Variants in MCC observed in about 807,000 individuals in gnomAD.
The protein encoded by MCC is colorectal mutant cancer protein.
A neutral mutation model predicts 116.2 loss-of-function variants in MCC; 90 were observed. The ratio of observed to expected loss-of-function variants is 0.77; its 90% CI spans 0.65 to 0.92. The LOEUF (loss-of-function observed/expected upper bound fraction) is 0.92. Among genes scored for constraint, MCC ranks in the 40% least tolerant of loss-of-function variants. MCC has a pLI of 0.00. For missense variants in MCC, 1,516 were observed against 1,312.2 expected (o/e 1.16, Z -2.40); for synonymous variants, 578 against 510.5 (o/e 1.13, Z -1.78).
intron 5 of MCC, among the ~76,000 whole-genome samples, chr5:113,138,554 T>C (rs555512077): frequency 1.3e-5 from 2 of 152,278 alleles, no homozygotes; most frequent in East Asian, 1.9e-4. Flanking sequence ...GGGAAATAAT[T>C]AGCTTGTGTC....
rs778072864 is a variant in MCC, at chr5:113,334,409, T to C, written c.627+6110A>G. Among the ~76,000 whole-genome samples the C allele has an allele frequency of 1.1e-4, 16 of 151,288 alleles. 1 individual carries two copies. Among genetic ancestry groups the C allele is most frequent in the Non-Finnish European group, 8.8e-5 (6 of 67,998 alleles). ...TTTTTGTAGAGACATGGTTTCACCATGTTGCCCAGGATGGTCAGACTCCCG... is the reference window on the plus strand; with the variant it reads ...TTTTTGTAGAGACATGGTTTCACCACGTTGCCCAGGATGGTCAGACTCCCG... On this transcript the variant is annotated intron_variant, in intron 3 of 18. Coordinates refer to ENST00000408903, the MANE Select transcript of MCC (RefSeq NM_001085377.2).
intron 16 of MCC, 62 bp downstream of exon 16, chr5:113,049,028 GGTC>G (rs1752305211): frequency 1.3e-6 from 2 of 1,497,582 alleles, no homozygotes; most frequent in Non-Finnish European, 1.9e-6. Context: ...TGTGGCCAGT[GGTC>G]ACTGGGCAGT....
chr5:113,029,370 A>T (rs1750800349), intron 17 of MCC, among the ~76,000 whole-genome samples: 1 of 150,020 alleles, frequency 6.7e-6, no homozygotes, highest in Middle Eastern at 3.2e-3. Flanking sequence ...GGCATACCAG[A>T]TCCTCAGCAA....
intron 3 of MCC, among the ~76,000 whole-genome samples, chr5:113,326,633 C>G (rs1223532792): frequency 6.6e-6 from 1 of 152,206 alleles, no homozygotes. Context: ...GGGACATATT[C>G]AACCCATAGC....
At chr5:113,457,708 A>C (rs1164273870) in intron 1 of MCC, among the ~76,000 whole-genome samples, 1 of 146,918 alleles carries the variant, frequency 6.8e-6, no homozygotes, top group Non-Finnish European at 1.5e-5. Context: ...AAACACACCA[A>C]TCAGCACCCT....
intron 1 of MCC, among the ~76,000 whole-genome samples, chr5:113,437,971 G>A (rs1770910852): frequency 1.3e-5 from 2 of 152,286 alleles, no homozygotes; most frequent in South Asian, 2.1e-4. Flanking sequence ...CATCCCATAG[G>A]TTGGGAAGGC....
chr5:113,107,362 C>T (rs998014507), intron 6 of MCC, among the ~76,000 whole-genome samples: 3 of 151,960 alleles, frequency 2.0e-5, no homozygotes, highest in Non-Finnish European at 2.9e-5. Context: ...GGATTACAGG[C>T]GTGTGCCACC....
intron 3 of MCC, among the ~76,000 whole-genome samples, chr5:113,300,811 C>G (rs1766843413): frequency 6.6e-6 from 1 of 152,188 alleles, no homozygotes; most frequent in Admixed American, 6.5e-5. Context: ...GAGCCTCTCA[C>G]CAGCCTCAAT....
At chr5:113,198,909 G>T (rs1385971860) in intron 3 of MCC, among the ~76,000 whole-genome samples, 1 of 151,932 alleles carries the variant, frequency 6.6e-6, no homozygotes, top group East Asian at 1.9e-4. Context: ...ATATAGAAAT[G>T]AAATCAATAG....
intron 2 of MCC, among the ~76,000 whole-genome samples, chr5:113,356,658 C>A (rs965741028): frequency 6.6e-6 from 1 of 152,084 alleles, no homozygotes; most frequent in African/African-American, 2.4e-5. Flanking sequence ...GTACTTTAAT[C>A]CCATCTTCAA....
At chr5:113,484,955 C>G (rs1473614073) in intron 1 of MCC, among the ~76,000 whole-genome samples, 1 of 152,142 alleles carries the variant, frequency 6.6e-6, no homozygotes, top group Non-Finnish European at 1.5e-5. Context: ...ACTCTGCTGC[C>G]CAAATCCAGC....
intron 3 of MCC, among the ~76,000 whole-genome samples, chr5:113,235,247 A>G (rs1209399633): frequency 6.6e-6 from 1 of 152,218 alleles, no homozygotes; most frequent in Non-Finnish European, 1.5e-5. Flanking sequence ...GGGTTCTTCA[A>G]AAGTCTGACT....
chr5:113,069,395 C>T (rs1003157723), intron 12 of MCC, among the ~76,000 whole-genome samples: 13 of 152,258 alleles, frequency 8.5e-5, no homozygotes, highest in African/African-American at 2.9e-4. Flanking sequence ...GTGAGACCCA[C>T]GTGGCCCACG....
Position 113,050,107 on chromosome 5 carries a change from G to A in MCC, c.2449-808C>T, listed in dbSNP as rs568263090. ...GGCTCATTTCATCTTCCCAACCTGG[G>A]TTAGGTATTGCAACTATCTCCATTG... On this transcript the variant is annotated intron_variant, in intron 15 of 18. Transcript: ENST00000408903. Among the ~76,000 whole-genome samples the A allele has an allele frequency of 9.2e-5, 14 of 152,340 alleles. No individual in the cohort carries two copies. The East Asian group carries it at 2.1e-3, about 23-fold the overall frequency.
intron 3 of MCC, among the ~76,000 whole-genome samples, chr5:113,314,973 A>G (rs548104128): frequency 6.6e-6 from 1 of 152,324 alleles, no homozygotes; most frequent in Admixed American, 6.5e-5. Context: ...AGTTTTGCTC[A>G]TTATCCTGGA....
intron 1 of MCC, among the ~76,000 whole-genome samples, chr5:113,463,931 A>G (rs1771826615): frequency 6.6e-6 from 1 of 152,202 alleles, no homozygotes; most frequent in African/African-American, 2.4e-5. Flanking sequence ...AGGAGATAGA[A>G]AGGAATGAGC....
chr5:113,260,741 AT>A (rs34302607), intron 3 of MCC, among the ~76,000 whole-genome samples: 4 of 150,508 alleles, frequency 2.7e-5, no homozygotes, highest in South Asian at 2.1e-4. Flanking sequence ...ATGCCTACAC[AT>A]TTTTTTTTAG....
intron 3 of MCC, among the ~76,000 whole-genome samples, chr5:113,236,064 T>C (rs918958355): frequency 2.0e-5 from 3 of 152,192 alleles, no homozygotes; most frequent in Non-Finnish European, 4.4e-5. Flanking sequence ...CTTGGGTGCC[T>C]TTGAAGAGTA....
chr5:113,348,743 C>A (rs1768193100), intron 2 of MCC, among the ~76,000 whole-genome samples: 1 of 151,492 alleles, frequency 6.6e-6, no homozygotes, highest in Non-Finnish European at 1.5e-5. Context: ...ATAAACGAAA[C>A]AATACAAAGG....
Sources: gnomAD v4.1 joint callset for allele counts (sites outside exome capture counted in the v4.1 genomes callset) on GRCh38, gnomAD v4.1.1 for gene constraint, MANE v1.5 for transcripts, NCBI Gene and HGNC (gene_info 2026-07-23, HGNC 2026-07-21) for gene names.